ACYP2: variants seen among roughly 807,000 people sequenced by gnomAD.
ACYP2 encodes the protein acylphosphatase 2, also known as acylphosphatase-2.
ACYP2 carries 12 observed loss-of-function variants against 11.2 expected under a neutral mutation model. That is an observed-to-expected ratio of 1.08 (90% CI 0.69 to 1.74). ACYP2 has a LOEUF of 1.74. ACYP2 is among the 40% of genes most tolerant of loss of function. The pLI, the probability that ACYP2 is intolerant of heterozygous loss-of-function variation, is 0.00. For missense variants in ACYP2, 134 were observed against 101.9 expected (o/e 1.31, Z -1.35); for synonymous variants, 43 against 32.2 (o/e 1.33, Z -1.13).
At chr2:54,010,310 C>G (rs1673287962) in intron 2 of ACYP2, among the ~76,000 whole-genome samples, 1 of 152,020 alleles carries the variant, frequency 6.6e-6, no homozygotes, top group Non-Finnish European at 1.5e-5. Flanking sequence ...ATGGTGAAAC[C>G]CTGTCTCTAC....
intron 6 of ACYP2, among the ~76,000 whole-genome samples, chr2:54,252,158 A>G (rs954961065): frequency 6.6e-6 from 1 of 152,322 alleles, no homozygotes; most frequent in East Asian, 1.9e-4. Flanking sequence ...TTCATACATA[A>G]AAGAATTATA....
At chr2:54,058,733 A>C (rs1379526140) in intron 4 of ACYP2, among the ~76,000 whole-genome samples, 1 of 135,812 alleles carries the variant, frequency 7.4e-6, no homozygotes, top group Non-Finnish European at 1.6e-5. Context: ...TTTTTTGGTC[A>C]GGAGCACTTT....
intron 6 of ACYP2, among the ~76,000 whole-genome samples, chr2:54,169,577 C>A (rs1311301805): frequency 6.6e-6 from 1 of 152,026 alleles, no homozygotes. Flanking sequence ...ACCTGGCCAA[C>A]CTCTAGGAAT....
chr2:54,045,738 C>T (rs1675486195), intron 2 of ACYP2, among the ~76,000 whole-genome samples: 1 of 151,708 alleles, frequency 6.6e-6, no homozygotes, highest in South Asian at 2.1e-4. Context: ...ATGGCGGGAA[C>T]CTGGGAGGTG....
intron 6 of ACYP2, among the ~76,000 whole-genome samples, chr2:54,283,232 C>G (rs1688923917): frequency 6.6e-6 from 1 of 152,094 alleles, no homozygotes. Context: ...TTAAAGAGTT[C>G]TAATTTAGTC....
chr2:54,079,677 G>A (rs1197072257), intron 4 of ACYP2, among the ~76,000 whole-genome samples: 1 of 152,266 alleles, frequency 6.6e-6, no homozygotes, highest in East Asian at 1.9e-4. Flanking sequence ...TAAAACCAAC[G>A]TTGAAACCTG....
chr2:54,289,637 C>A (rs1689218791), intron 6 of ACYP2, among the ~76,000 whole-genome samples: 1 of 151,864 alleles, frequency 6.6e-6, no homozygotes, highest in African/African-American at 2.4e-5. Flanking sequence ...CACATTTGTG[C>A]CGAAAAATAT....
At chr2:54,118,822 G>A in intron 4 of ACYP2, among the ~76,000 whole-genome samples, 1 of 152,166 alleles carries the variant, frequency 6.6e-6, no homozygotes, top group Admixed American at 6.5e-5. Context: ...ATAGTATGTA[G>A]TACAAACTCA....
At chr2:54,006,039 A>G (rs978750241) in intron 2 of ACYP2, among the ~76,000 whole-genome samples, 4 of 151,664 alleles carry the variant, frequency 2.6e-5, no homozygotes, top group Non-Finnish European at 4.4e-5. Flanking sequence ...GTTGCAGTGC[A>G]GTGGCTTGAT....
intron 6 of ACYP2, among the ~76,000 whole-genome samples, chr2:54,206,179 T>C (rs772429341): frequency 6.6e-6 from 1 of 152,238 alleles, no homozygotes; most frequent in East Asian, 1.9e-4. Context: ...CATATTTTTG[T>C]TAATTCCCCT....
intron 2 of ACYP2, among the ~76,000 whole-genome samples, chr2:54,011,048 C>T (rs548165889): frequency 2.6e-5 from 4 of 152,016 alleles, no homozygotes; most frequent in Admixed American, 6.6e-5. Context: ...CTAAAAGACA[C>T]GTCACATTAT....
intron 6 of ACYP2, among the ~76,000 whole-genome samples, chr2:54,233,815 G>C (rs1019158399): frequency 2.6e-5 from 4 of 152,040 alleles, no homozygotes; most frequent in Non-Finnish European, 5.9e-5. Flanking sequence ...CTTCAAAAAG[G>C]TCACGGGAAA....
intron 1 of ACYP2, among the ~76,000 whole-genome samples, chr2:53,973,162 C>T (rs1186106356): frequency 6.6e-6 from 1 of 152,132 alleles, no homozygotes; most frequent in African/African-American, 2.4e-5. Context: ...GAAGTGAAAC[C>T]TGAAAGGGTT....
At chr2:54,241,276 C>T (rs1283731211) in intron 6 of ACYP2, among the ~76,000 whole-genome samples, 1 of 152,206 alleles carries the variant, frequency 6.6e-6, no homozygotes, top group Non-Finnish European at 1.5e-5. Flanking sequence ...GACCCTTATC[C>T]AAATTTCCAT....
chr2:53,990,958 G>A (rs984144043), intron 2 of ACYP2, among the ~76,000 whole-genome samples: 1 of 151,878 alleles, frequency 6.6e-6, no homozygotes, highest in Non-Finnish European at 1.5e-5. Flanking sequence ...CACCACGCCC[G>A]GCTAATTTTT....
At chr2:53,978,229 T>G (rs1671588611) in intron 2 of ACYP2, among the ~76,000 whole-genome samples, 1 of 146,120 alleles carries the variant, frequency 6.8e-6, no homozygotes, top group South Asian at 2.2e-4. Flanking sequence ...GCCACTGCAC[T>G]CCAGCCTGGG....
At chr2:54,185,354 G>T (rs1342871891) in intron 6 of ACYP2, among the ~76,000 whole-genome samples, 1 of 152,158 alleles carries the variant, frequency 6.6e-6, no homozygotes, top group Non-Finnish European at 1.5e-5. Context: ...GCTGCAGGGT[G>T]AGCTTGACAC....
intron 4 of ACYP2, among the ~76,000 whole-genome samples, chr2:54,072,513 T>TTTTTTTCTTCTTTCTTTCC (rs148411653): frequency 2.1e-4 from 30 of 146,154 alleles, no homozygotes; most frequent in African/African-American, 7.0e-4. Flanking sequence ...CTCTCTCTCT[T>TTTTTTTCTTCTTTCTTTCC]TCTTTCTTCT....
rs139992985 is a variant in ACYP2 at position 54,114,326 on chromosome 2, T to C, written c.278-21127T>C. On this transcript the variant is annotated intron_variant, in intron 4 of 6. Transcript: ENST00000607452. ...GGTAATAGCTCACCAGGAAATAAAATTCAGCCTTAACCTTCTAGGCAATTG... is the reference window on the plus strand; with the variant it reads ...GGTAATAGCTCACCAGGAAATAAAACTCAGCCTTAACCTTCTAGGCAATTG... 3.2e-4 allele frequency among the ~76,000 whole-genome samples: 48 copies of C among 148,280 alleles called. 1 individual carries two copies. The East Asian group carries it at 9.2e-3, about 28-fold the overall frequency.
Sources: gnomAD v4.1 joint callset for allele counts (sites outside exome capture counted in the v4.1 genomes callset) on GRCh38, gnomAD v4.1.1 for gene constraint, MANE v1.5 for transcripts, NCBI Gene and HGNC (gene_info 2026-07-23, HGNC 2026-07-21) for gene names.